Variants in CACNA1D observed in about 807,000 individuals in gnomAD.
CACNA1D encodes voltage-dependent L-type calcium channel subunit alpha-1D.
In CACNA1D, 55 loss-of-function variants were observed where a neutral mutation model predicts 257.1. The observed-to-expected ratio is 0.21, with a 90% CI of 0.17 to 0.27. The LOEUF is 0.27. Ranked by LOEUF, CACNA1D falls within the 10% of genes least tolerant of loss-of-function variation. The pLI is 1.00. For synonymous variants in CACNA1D, 980 were observed against 1,014.9 expected (o/e 0.97, Z 0.65); for missense variants, 1,876 against 2,784.0 (o/e 0.67, Z 7.34).
intron 3 of CACNA1D, among the ~76,000 whole-genome samples, chr3:53,571,237 A>G (rs1403579500): frequency 2.0e-5 from 3 of 151,826 alleles, no homozygotes; most frequent in African/African-American, 4.9e-5. Context: ...GATGAGGGCA[A>G]GCTTTGGCTG....
Position 53,774,566 on chromosome 3 carries a change from C to G in CACNA1D, c.4111-21C>G. 2 of 1,423,240 alleles carry G rather than the reference C, an allele frequency of 1.4e-6. No individual in the cohort carries two copies. The highest frequency in any genetic ancestry group is 2.0e-6 in the Non-Finnish European group (2 of 1,005,830). 88.2% of individuals were successfully genotyped at this position (1,423,240 alleles called of 1,614,324 possible). ...GCATGACGAAATCTATTCTCTTTTT[C>G]CTGACAACTTCTCCACCTAGATGTT... On this transcript the variant is annotated intron_variant, in intron 33 of 47. Transcript: ENST00000350061. This position sits in a 1 kb window ranked among gnomAD's most constrained non-coding sequence, Gnocchi z 4.3.
At chr3:53,637,906 A>G (rs2108173516) in intron 3 of CACNA1D, among the ~76,000 whole-genome samples, 1 of 152,376 alleles carries the variant, frequency 6.6e-6, no homozygotes, top group South Asian at 2.1e-4. Context: ...AATTATGTGC[A>G]TGGAGTCATT....
intron 3 of CACNA1D, among the ~76,000 whole-genome samples, chr3:53,571,506 G>A (rs1559858158): frequency 2.6e-5 from 4 of 152,060 alleles, no homozygotes; most frequent in African/African-American, 9.7e-5. Flanking sequence ...TTGGTTATAC[G>A]AATGGGGTGT....
At chr3:53,717,792 A>C (rs1163215001) in intron 9 of CACNA1D, among the ~76,000 whole-genome samples, 2 of 152,146 alleles carry the variant, frequency 1.3e-5, no homozygotes, top group Non-Finnish European at 2.9e-5. Flanking sequence ...ACTCTAAAAA[A>C]TGTTGTGCAT....
At chr3:53,735,589 C>T (rs974395909) in intron 20 of CACNA1D, 86 bp downstream of exon 20, 88 of 1,470,126 alleles carry the variant, frequency 6.0e-5, no homozygotes, top group Non-Finnish European at 7.7e-5. Flanking sequence ...CTGTGGAGGC[C>T]CTCAAGGTGA....
chr3:53,741,467 G>T (rs2095117464), intron 21 of CACNA1D, among the ~76,000 whole-genome samples: 1 of 152,200 alleles, frequency 6.6e-6, no homozygotes, highest in South Asian at 2.1e-4. Context: ...TTTGAGGTTG[G>T]TTTTTTTATT....
chr3:53,581,809 C>T (rs112011026), intron 3 of CACNA1D, among the ~76,000 whole-genome samples: 1 of 152,190 alleles, frequency 6.6e-6, no homozygotes, highest in African/African-American at 2.4e-5. Context: ...GAGGCACATG[C>T]AAGAAGGCCC....
At chr3:53,499,541 C>G (rs2109183) in intron 2 of CACNA1D, among the ~76,000 whole-genome samples, 6,564 of 152,104 alleles carry the variant, frequency 0.043, 492 homozygotes, top group African/African-American at 0.15. Context: ...CCATCTATTT[C>G]TCTATTGCTC....
chr3:53,807,607 A>T (rs2095573677), intron 45 of CACNA1D: 1 of 152,246 alleles, frequency 6.6e-6, no homozygotes, highest in African/African-American at 2.4e-5. Flanking sequence ...AATGCCTTGT[A>T]AACGATAGGT....
chr3:53,739,283 G>C (rs2095091146), intron 20 of CACNA1D, among the ~76,000 whole-genome samples: 1 of 152,226 alleles, frequency 6.6e-6, no homozygotes, highest in Non-Finnish European at 1.5e-5. Context: ...GGCCTGGGTG[G>C]TCTCCACAGT....
intron 3 of CACNA1D, among the ~76,000 whole-genome samples, chr3:53,561,674 T>G (rs1321562466): frequency 6.6e-6 from 1 of 152,222 alleles, no homozygotes; most frequent in African/African-American, 2.4e-5. Flanking sequence ...TAGATCATAC[T>G]TCTCTTGATT....
rs569872753 is a variant in CACNA1D at position 53,637,724 on chromosome 3, G to A, written c.484-13055G>A. On this transcript the variant is annotated intron_variant, in intron 3 of 47. Coordinates refer to ENST00000350061, the MANE Select transcript of CACNA1D (RefSeq NM_001128840.3). ...AAGAGCAGGTCAGTGCAAGTGACAT[G>A]GGTTTCTTAGATACTCCTCAGCTCA... Among the ~76,000 whole-genome samples, 9 of 152,260 alleles carry A rather than the reference G, an allele frequency of 5.9e-5. No homozygotes were observed. The East Asian group carries it at 1.7e-3, about 29-fold the overall frequency.
At position 53,497,191 on chromosome 3, in the gene CACNA1D, G is replaced by T; in HGVS notation, c.107G>T (p.Gly36Val). Residue 36 changes from glycine to valine, a missense_variant, in exon 2 of 48, where the codon GGT becomes GTT. Gly to Val is a moderately radical substitution (Grantham distance 109, BLOSUM62 -3). Coordinates refer to ENST00000350061, the MANE Select transcript of CACNA1D (RefSeq NM_001128840.3). ...AGAGGCACCAGACTTCCTCTTTCTG[G>T]TGAAGGACCAACTTCTCAGCCGAAT... ...YARGTRLPLSGEGPTSQPNSS... is the reference protein window; with the variant it reads ...YARGTRLPLSVEGPTSQPNSS... 1 of 1,614,014 alleles carries T rather than the reference G, an allele frequency of 6.2e-7. No homozygotes were observed. The highest frequency in any genetic ancestry group is 8.5e-7 in the Non-Finnish European group (1 of 1,180,018).
At chr3:53,684,714 T>A (rs1339808223) in intron 8 of CACNA1D, among the ~76,000 whole-genome samples, 2 of 151,256 alleles carry the variant, frequency 1.3e-5, no homozygotes, top group Non-Finnish European at 2.9e-5. Flanking sequence ...TAATTTAAAG[T>A]AAGCACAAGG....
At position 53,723,941 on chromosome 3, in the gene CACNA1D, C is replaced by T. The variant is rs369605872; in HGVS notation, c.2042C>T (p.Thr681Met). 28 of 1,614,014 alleles carry T rather than the reference C, an allele frequency of 1.7e-5. No individual in the cohort carries two copies. The highest frequency in any genetic ancestry group is 1.7e-4 in the Admixed American group (10 of 60,004). The change falls in exon 14 of 48, where the codon ACG becomes ATG. Residue 681 changes from threonine (T) to methionine (M), a missense_variant. Thr to Met is a moderately conservative substitution (Grantham distance 81). Around this residue, in one of 10 missense-constraint regions of CACNA1D, gnomAD observed 257 missense variants for 399.7 expected, o/e 0.64. Transcript: ENST00000350061. The surrounding 1 kb of genome is among the most constrained non-coding windows in gnomAD (Gnocchi z 5.6). ...GGCGGCAAGTTTAATTTTGATGAAA[C>T]GCAAACCAAGCGGAGCACCTTTGAC... is the stretch of plus-strand genomic sequence containing the variant. ...LFGGKFNFDE[T>M]QTKRSTFDNF...
chr3:53,770,731 G>C (rs530240326), intron 32 of CACNA1D, among the ~76,000 whole-genome samples, 179 bp downstream of exon 32: 124 of 152,304 alleles, frequency 8.1e-4, no homozygotes, highest in African/African-American at 2.9e-3. Flanking sequence ...AATCACATGG[G>C]ATTACTTGCC....
chr3:53,782,092 A>C (rs2109074793), intron 39 of CACNA1D, among the ~76,000 whole-genome samples: 1 of 152,080 alleles, frequency 6.6e-6, no homozygotes, highest in South Asian at 2.1e-4. Context: ...AAATGTTCTT[A>C]TCAAGACTGA....
chr3:53,675,992 C>T (rs2094372310), intron 8 of CACNA1D, among the ~76,000 whole-genome samples: 2 of 152,288 alleles, frequency 1.3e-5, no homozygotes, highest in African/African-American at 4.8e-5. Context: ...CACAGCCTCG[C>T]AGCTTTGTTC....
chr3:53,776,991 T>C, intron 37 of CACNA1D, 35 bp downstream of exon 37: 1 of 1,483,328 alleles, frequency 6.7e-7, no homozygotes, highest in South Asian at 1.1e-5. Flanking sequence ...ACAGCCTGTC[T>C]TGTAGAAGCT....
Sources: gnomAD v4.1 joint callset for allele counts (sites outside exome capture counted in the v4.1 genomes callset) on GRCh38, gnomAD v4.1.1 for gene constraint, gnomAD v4.1.1 regional missense constraint, Gnocchi (gnomAD v3.1) non-coding constraint, MANE v1.5 for transcripts, NCBI Gene and HGNC (gene_info 2026-07-23, HGNC 2026-07-21) for gene names.